The following CRACD variants were observed in gnomAD, a reference collection of about 807,000 sequenced individuals.
CRACD encodes the protein capping protein-inhibiting regulator of actin dynamics.
Under a neutral mutation model 106.8 loss-of-function variants are expected in CRACD, and 56 were observed. That is an observed-to-expected ratio of 0.52 (90% CI 0.42 to 0.66). CRACD has a LOEUF of 0.66. Ranked by LOEUF, CRACD falls within the 30% of genes least tolerant of loss-of-function variation. The pLI is 0.00. For synonymous variants in CRACD, 754 were observed against 670.8 expected, an observed-to-expected ratio of 1.12 and a Z score of -1.92; for missense variants, 1,730 against 1,623.2, an observed-to-expected ratio of 1.07 and a Z score of -1.13.
chr4:56,324,008 G>A, intron 9 of CRACD, 96 bp from the exon 10 acceptor site: 2 of 1,363,672 alleles, frequency 1.5e-6, no homozygotes, highest in Non-Finnish European at 2.0e-6. Context: ...GCAGAGGTCA[G>A]GGGCTGGCAG....
At chr4:56,243,957 T>G (rs1025436516) in intron 2 of CRACD, among the ~76,000 whole-genome samples, 1 of 152,220 alleles carries the variant, frequency 6.6e-6, no homozygotes, top group African/African-American at 2.4e-5. Context: ...GGAACCATGC[T>G]TCTACTCTCT....
chr4:56,173,520 A>G (rs1415846279), intron 1 of CRACD, among the ~76,000 whole-genome samples: 4 of 152,218 alleles, frequency 2.6e-5, no homozygotes, highest in Admixed American at 2.6e-4. Flanking sequence ...ACACCTCGCT[A>G]TATTAAATAT....
chr4:56,238,075 T>C (rs1212423865), intron 2 of CRACD, among the ~76,000 whole-genome samples: 1 of 152,216 alleles, frequency 6.6e-6, no homozygotes, highest in Non-Finnish European at 1.5e-5. Flanking sequence ...CAGTGCTACA[T>C]AACAAACTGT....
At position 56,314,426 on chromosome 4, in the gene CRACD, T is replaced by C. The variant is rs994050662; in HGVS notation, c.924T>C (p.Arg308=). ...PGWEDAERRE[R]EERERLEAEE... Reference sequence around the variant, plus strand: ...GGGAGGACGCGGAGCGGAGGGAGCGTGAGGAGCGCGAGCGCCTGGAGGCGG... The same window carrying C: ...GGGAGGACGCGGAGCGGAGGGAGCGCGAGGAGCGCGAGCGCCTGGAGGCGG... Residue 308 remains arginine, a synonymous_variant, in exon 8 of 11, where the codon CGT becomes CGC. Coordinates refer to ENST00000682029, the MANE Select transcript of CRACD (RefSeq NM_001393381.1). The surrounding 1 kb of genome is among the most constrained non-coding windows in gnomAD (Gnocchi z 4.4). The C allele has an allele frequency of 6.8e-7, 1 of 1,462,192 alleles. No homozygotes were observed. The highest frequency in any genetic ancestry group is 1.2e-5 in the South Asian group (1 of 80,956). 90.6% of individuals were successfully genotyped at this position (1,462,192 alleles called of 1,614,324 possible).
chr4:56,159,694 C>CTA (rs1735882641), intron 1 of CRACD, among the ~76,000 whole-genome samples: 1 of 152,092 alleles, frequency 6.6e-6, no homozygotes, highest in African/African-American at 2.4e-5. Context: ...TCTGACCCCC[C>CTA]TATAATCTGC....
rs949686157 is a variant in CRACD at position 56,320,425 on chromosome 4, A to G, written c.3188-2952A>G. 4.6e-5 allele frequency among the ~76,000 whole-genome samples: 7 copies of G among 152,202 alleles called. No individual in the cohort carries two copies. In the East Asian group the frequency reaches 5.8e-4, roughly 13 times the overall value. ...TTAATTAGGAATTTTGAACTCCTCAAATAGGTGATGCAATTGACTATCTTT... is the reference window on the plus strand; with the variant it reads ...TTAATTAGGAATTTTGAACTCCTCAGATAGGTGATGCAATTGACTATCTTT... On this transcript the variant is annotated intron_variant, in intron 8 of 10. Coordinates refer to ENST00000682029, the MANE Select transcript of CRACD (RefSeq NM_001393381.1).
chr4:56,314,226 G>A lies in CRACD; in HGVS notation c.724G>A (p.Ala242Thr), dbSNP rs868194386. Residue 242 changes from alanine (A) to threonine (T), a missense_variant, in exon 8 of 11, where the codon GCA becomes ACA. By Grantham distance (58) the Ala-to-Thr change is moderately conservative. Transcript: ENST00000682029. This position sits in a 1 kb window ranked among gnomAD's most constrained non-coding sequence, Gnocchi z 4.4. ...CAAGTGCAAGCGGCAAAAGGCGGAA[G>A]CAGCCGAGAAGAGACGCCTAGAGGA... ...EAKCKRQKAE[A>T]AEKRRLEEQR... 6.3e-7 allele frequency: 1 copy of A among 1,599,984 alleles called. No homozygotes were observed. The highest frequency in any genetic ancestry group is 8.5e-7 in the Non-Finnish European group (1 of 1,173,320).
At chr4:56,309,416 G>A (rs1361929987) in intron 5 of CRACD, among the ~76,000 whole-genome samples, 12 of 152,158 alleles carry the variant, frequency 7.9e-5, no homozygotes, top group Admixed American at 7.9e-4. Flanking sequence ...TGGCAATACA[G>A]GATAGATGGT....
At chr4:56,224,195 A>G (rs1208628146) in intron 2 of CRACD, among the ~76,000 whole-genome samples, 1 of 151,978 alleles carries the variant, frequency 6.6e-6, no homozygotes, top group Non-Finnish European at 1.5e-5. Flanking sequence ...AAGAAGAATG[A>G]CATCTTTATG....
At chr4:56,056,772 A>C (rs1318954871) in intron 1 of CRACD, among the ~76,000 whole-genome samples, 1 of 152,014 alleles carries the variant, frequency 6.6e-6, no homozygotes, top group African/African-American at 2.4e-5. Context: ...ATAAAATAAA[A>C]TAAAAAAGTA....
chr4:56,284,598 A>G (rs644905), intron 3 of CRACD, among the ~76,000 whole-genome samples: 144,788 of 152,174 alleles, frequency 0.95, 68,990 homozygotes, highest in Middle Eastern at 0.98. Context: ...GGTGGTGGGT[A>G]CCTGTAATCC....
At chr4:56,128,321 C>T (rs916434750) in intron 1 of CRACD, among the ~76,000 whole-genome samples, 1 of 152,156 alleles carries the variant, frequency 6.6e-6, no homozygotes, top group African/African-American at 2.4e-5. Context: ...CAAAGCATGA[C>T]TTAAAGACTT....
intron 1 of CRACD, among the ~76,000 whole-genome samples, chr4:56,121,734 A>C (rs1215260885): frequency 6.6e-6 from 1 of 152,246 alleles, no homozygotes; most frequent in Non-Finnish European, 1.5e-5. Context: ...AAAATGAATC[A>C]ATGTAGCTGA....
chr4:56,227,159 G>A (rs1219142158), intron 2 of CRACD, among the ~76,000 whole-genome samples: 2 of 152,154 alleles, frequency 1.3e-5, no homozygotes, highest in Non-Finnish European at 2.9e-5. Context: ...AACATAATGT[G>A]AGAGATGTAC....
At chr4:56,075,112 A>T (rs998158272) in intron 1 of CRACD, among the ~76,000 whole-genome samples, 1 of 152,138 alleles carries the variant, frequency 6.6e-6, no homozygotes, top group African/African-American at 2.4e-5. Flanking sequence ...GGATTTTCGC[A>T]TTGATGTTCA....
At chr4:56,255,129 A>T (rs1741280037) in intron 2 of CRACD, among the ~76,000 whole-genome samples, 1 of 148,800 alleles carries the variant, frequency 6.7e-6, no homozygotes, top group Admixed American at 6.8e-5. Context: ...AAAAAAAAAA[A>T]AAAAACTAAA....
At chr4:56,126,618 T>C (rs966372340) in intron 1 of CRACD, among the ~76,000 whole-genome samples, 1 of 152,206 alleles carries the variant, frequency 6.6e-6, no homozygotes, top group Non-Finnish European at 1.5e-5. Flanking sequence ...TTTTAACCAG[T>C]AGTTCTTTAC....
At chr4:56,071,483 C>T (rs910978584) in intron 1 of CRACD, among the ~76,000 whole-genome samples, 7 of 149,754 alleles carry the variant, frequency 4.7e-5, no homozygotes, top group Non-Finnish European at 1.0e-4. Flanking sequence ...TTGCTGTTAG[C>T]ACAGGTTGTA....
intron 1 of CRACD, among the ~76,000 whole-genome samples, chr4:56,110,809 C>A (rs1424875997): frequency 6.6e-6 from 1 of 152,170 alleles, no homozygotes; most frequent in East Asian, 1.9e-4. Flanking sequence ...GTAGGCCAGG[C>A]TGGTCTCAAA....
Sources: allele counts gnomAD v4.1 joint callset (sites outside exome capture counted in the v4.1 genomes callset), GRCh38; gene constraint gnomAD v4.1.1; non-coding constraint Gnocchi (gnomAD v3.1); transcripts MANE v1.5; gene names NCBI Gene and HGNC (gene_info 2026-07-23, HGNC 2026-07-21).